The following PTPRG variants were observed in gnomAD, a reference collection of about 807,000 sequenced individuals.
The protein encoded by PTPRG is receptor-type tyrosine-protein phosphatase gamma.
A neutral mutation model predicts 165.3 loss-of-function variants in PTPRG; 102 were observed. The observed-to-expected ratio is 0.62, with a 90% CI of 0.53 to 0.73. The LOEUF is 0.73. Among genes scored for constraint, PTPRG ranks in the 30% least tolerant of loss-of-function variants. The probability of loss-of-function intolerance (pLI) is 0.00; values close to 1 mark genes in which losing one functional copy is unlikely to be tolerated. For synonymous variants in PTPRG, 675 were observed against 669.5 expected (o/e 1.01, Z -0.13); for missense variants, 1,866 against 1,861.4 (o/e 1.00, Z -0.05).
At chr3:62,081,267 AAC>A (rs764963716) in intron 5 of PTPRG, among the ~76,000 whole-genome samples, 5,521 of 106,078 alleles carry the variant, frequency 0.052, 317 homozygotes, top group East Asian at 0.24. Flanking sequence ...AAAACAAACA[AAC>A]AAACAAACAA....
intron 2 of PTPRG, among the ~76,000 whole-genome samples, chr3:61,847,940 C>A (rs187671586): frequency 3.3e-5 from 5 of 152,322 alleles, no homozygotes; most frequent in Non-Finnish European, 1.5e-5. Context: ...CCCTTTGGAT[C>A]CAGCTTGCTT....
intron 1 of PTPRG, among the ~76,000 whole-genome samples, chr3:61,725,771 C>G (rs1369859632): frequency 6.6e-6 from 1 of 151,008 alleles, no homozygotes; most frequent in Non-Finnish European, 1.5e-5. Context: ...CCACAGCACT[C>G]CCTGAGAAAT....
At chr3:61,697,935 A>G (rs2030705691) in intron 1 of PTPRG, among the ~76,000 whole-genome samples, 1 of 152,202 alleles carries the variant, frequency 6.6e-6, no homozygotes. Context: ...AACACCAAGA[A>G]GAATTTGAAC....
intron 5 of PTPRG, among the ~76,000 whole-genome samples, chr3:62,110,089 CTTTTTT>C (rs371457716): frequency 0.043 from 3,407 of 80,074 alleles, 56 homozygotes; most frequent in East Asian, 0.11. Flanking sequence ...GAAATAATGG[CTTTTTT>C]TTTTTTTTTT....
chr3:61,814,224 A>T (rs949391865), intron 2 of PTPRG, among the ~76,000 whole-genome samples: 1 of 152,136 alleles, frequency 6.6e-6, no homozygotes, highest in Non-Finnish European at 1.5e-5. Context: ...TACAGTGAAG[A>T]TATTGATGGG....
chr3:62,010,968 T>C (rs1374918965), intron 4 of PTPRG, among the ~76,000 whole-genome samples: 1 of 152,082 alleles, frequency 6.6e-6, no homozygotes, highest in African/African-American at 2.4e-5. Flanking sequence ...GTGAGTGCAG[T>C]AGAATTTATT....
At chr3:61,919,765 A>G (rs2039032849) in intron 2 of PTPRG, among the ~76,000 whole-genome samples, 1 of 152,114 alleles carries the variant, frequency 6.6e-6, no homozygotes, top group Non-Finnish European at 1.5e-5. Context: ...CTACCTAGCC[A>G]TAGAGTTTTT....
chr3:61,697,778 A>G (rs1354443913), intron 1 of PTPRG, among the ~76,000 whole-genome samples: 1 of 152,112 alleles, frequency 6.6e-6, no homozygotes. Flanking sequence ...TCCCCTATGA[A>G]AAGGGTAGTT....
intron 7 of PTPRG, among the ~76,000 whole-genome samples, chr3:62,162,287 A>G (rs1039486144): frequency 6.6e-6 from 1 of 150,928 alleles, no homozygotes. Context: ...ATTCAAGGTT[A>G]AAATTGTTCT....
At chr3:61,721,030 T>A (rs2032022802) in intron 1 of PTPRG, among the ~76,000 whole-genome samples, 1 of 152,244 alleles carries the variant, frequency 6.6e-6, no homozygotes, top group African/African-American at 2.4e-5. Context: ...CTCTGGTGAT[T>A]GTCTTACAGG....
chr3:62,101,884 A>G (rs1230668700), intron 5 of PTPRG, among the ~76,000 whole-genome samples: 22 of 152,202 alleles, frequency 1.4e-4, no homozygotes, highest in Non-Finnish European at 1.5e-5. Context: ...AACTCTGCCC[A>G]TTTTGCCGTA....
chr3:62,250,356 CAGAT>C (rs1701384790), intron 15 of PTPRG, among the ~76,000 whole-genome samples: 1 of 152,158 alleles, frequency 6.6e-6, no homozygotes, highest in South Asian at 2.1e-4. Flanking sequence ...ATAAGAATCA[CAGAT>C]ACTCAGTTTT....
chr3:61,735,841 C>G (rs1351259490), intron 1 of PTPRG, among the ~76,000 whole-genome samples: 1 of 151,468 alleles, frequency 6.6e-6, no homozygotes, highest in Admixed American at 6.6e-5. Flanking sequence ...CGGAAAAGTT[C>G]TTTTTAGAAT....
chr3:61,968,028 C>T (rs1459592761), intron 2 of PTPRG, among the ~76,000 whole-genome samples: 1 of 152,048 alleles, frequency 6.6e-6, no homozygotes, highest in Non-Finnish European at 1.5e-5. Context: ...ATATATCAAG[C>T]ACGTCTTATT....
At chr3:61,689,299 A>G (rs575449158) in intron 1 of PTPRG, among the ~76,000 whole-genome samples, 6 of 152,374 alleles carry the variant, frequency 3.9e-5, no homozygotes, top group Admixed American at 1.3e-4. Context: ...AGCTATGTGT[A>G]TACATTCACA....
intron 1 of PTPRG, chr3:61,743,128 C>T (rs1166257330): frequency 2.5e-6 from 3 of 1,216,268 alleles, no homozygotes; most frequent in African/African-American, 1.5e-5. Context: ...CCGCGCTAAC[C>T]GGAAAAGAGC....
chr3:62,119,165 A>T (rs2106883094), intron 5 of PTPRG, among the ~76,000 whole-genome samples: 1 of 152,322 alleles, frequency 6.6e-6, no homozygotes, highest in Middle Eastern at 3.4e-3. Flanking sequence ...AGGTTGTGTT[A>T]CAGGTGGGTG....
At chr3:61,918,298 T>C (rs2038991213) in intron 2 of PTPRG, among the ~76,000 whole-genome samples, 1 of 152,156 alleles carries the variant, frequency 6.6e-6, no homozygotes, top group African/African-American at 2.4e-5. Flanking sequence ...AAGTTGTTCC[T>C]AACACATTTA....
At chr3:61,946,665 G>A (rs1479248376) in intron 2 of PTPRG, among the ~76,000 whole-genome samples, 9 of 152,190 alleles carry the variant, frequency 5.9e-5, no homozygotes, top group Admixed American at 5.2e-4. Context: ...TTGTAAATGA[G>A]ATGCCAAAAA....
Sources: gnomAD v4.1 joint callset for allele counts (sites outside exome capture counted in the v4.1 genomes callset) on GRCh38, gnomAD v4.1.1 for gene constraint, MANE v1.5 for transcripts, NCBI Gene and HGNC (gene_info 2026-07-23, HGNC 2026-07-21) for gene names.